Variants in KLF12 observed in about 807,000 individuals in gnomAD.
KLF12 encodes KLF transcription factor 12.
Under a neutral mutation model 37.8 loss-of-function variants are expected in KLF12, and 9 were observed. That is an observed-to-expected ratio of 0.24 (90% CI 0.14 to 0.42). The LOEUF (loss-of-function observed/expected upper bound fraction) is 0.42. Ranked by LOEUF, KLF12 falls within the 10% of genes least tolerant of loss-of-function variation. The pLI is 1.00. For missense variants in KLF12, 411 were observed against 516.0 expected (o/e 0.80, Z 1.97); for synonymous variants, 208 against 202.1 (o/e 1.03, Z -0.25).
intron 3 of KLF12, among the ~76,000 whole-genome samples, chr13:73,894,189 G>T (rs922380568): frequency 6.6e-6 from 1 of 152,154 alleles, no homozygotes; most frequent in Non-Finnish European, 1.5e-5. Context: ...AGAGGGGCAG[G>T]AAACAGATAA....
chr13:73,960,505 G>A, intron 2 of KLF12: 1 of 194,614 alleles, frequency 5.1e-6, no homozygotes, highest in South Asian at 7.1e-5. Flanking sequence ...CCAATGGTTG[G>A]GATAAAAAAA....
intron 2 of KLF12, among the ~76,000 whole-genome samples, chr13:73,983,450 A>T (rs1891740826): frequency 6.6e-6 from 1 of 152,172 alleles, no homozygotes; most frequent in African/African-American, 2.4e-5. Flanking sequence ...ATTCCTGCTT[A>T]TCGGGTGTTC....
the KLF12 span, among the ~76,000 whole-genome samples, chr13:74,223,901 C>T: frequency 2.6e-5 from 4 of 152,212 alleles, no homozygotes; most frequent in South Asian, 2.1e-4. Context: ...CTTTAACTTT[C>T]CTATATTTTG....
the KLF12 span, among the ~76,000 whole-genome samples, chr13:74,176,700 A>C: frequency 6.6e-6 from 1 of 151,724 alleles, no homozygotes; most frequent in Non-Finnish European, 1.5e-5. Flanking sequence ...GCCTCTTTGG[A>C]TTTTCATTTC....
At chr13:73,842,706 T>C (rs751500824) in intron 4 of KLF12, among the ~76,000 whole-genome samples, 3 of 152,224 alleles carry the variant, frequency 2.0e-5, no homozygotes, top group African/African-American at 2.4e-5. Flanking sequence ...TATTAGCATT[T>C]TGAAAATCCA....
chr13:73,782,968 A>G (rs1037710517), intron 5 of KLF12, among the ~76,000 whole-genome samples: 4 of 152,234 alleles, frequency 2.6e-5, no homozygotes, highest in Non-Finnish European at 5.9e-5. Context: ...GCAGTGTTAA[A>G]GAGCAGAGAC....
intron 1 of KLF12, among the ~76,000 whole-genome samples, chr13:74,106,933 C>T (rs1386200353): frequency 6.6e-6 from 1 of 152,058 alleles, no homozygotes; most frequent in Non-Finnish European, 1.5e-5. Context: ...TGCTGTCTTA[C>T]ATTTTTTGGG....
chr13:74,261,090 T>C, the KLF12 span, among the ~76,000 whole-genome samples: 1 of 152,072 alleles, frequency 6.6e-6, no homozygotes, highest in Non-Finnish European at 1.5e-5. Flanking sequence ...AAAGAACTTA[T>C]CCGTGTAACC....
the KLF12 span, among the ~76,000 whole-genome samples, chr13:74,203,976 G>A: frequency 6.6e-6 from 1 of 152,246 alleles, no homozygotes; most frequent in South Asian, 2.1e-4. Flanking sequence ...ATACTACACA[G>A]ACATCTGTGT....
At chr13:73,909,259 G>A (rs963559882) in intron 3 of KLF12, among the ~76,000 whole-genome samples, 2 of 152,148 alleles carry the variant, frequency 1.3e-5, no homozygotes, top group Non-Finnish European at 2.9e-5. Flanking sequence ...CAGTGGCCGA[G>A]CATAAAGCAC....
the KLF12 span, among the ~76,000 whole-genome samples, chr13:74,202,844 C>A: frequency 6.6e-6 from 1 of 152,108 alleles, no homozygotes; most frequent in Non-Finnish European, 1.5e-5. Context: ...TGAGTGGTAG[C>A]CCTTGTTCAA....
intron 2 of KLF12, among the ~76,000 whole-genome samples, chr13:73,965,227 C>T (rs1331549284): frequency 6.6e-6 from 1 of 152,126 alleles, no homozygotes; most frequent in Non-Finnish European, 1.5e-5. Flanking sequence ...GAACTTTATA[C>T]TTTAATAGGT....
At chr13:73,887,526 T>C (rs1887289262) in intron 3 of KLF12, among the ~76,000 whole-genome samples, 1 of 152,148 alleles carries the variant, frequency 6.6e-6, no homozygotes, top group Admixed American at 6.5e-5. Flanking sequence ...CCTTCCACCA[T>C]TACTGTAAGG....
chr13:74,054,875 T>C (rs1873152183), intron 1 of KLF12, among the ~76,000 whole-genome samples: 1 of 152,202 alleles, frequency 6.6e-6, no homozygotes, highest in African/African-American at 2.4e-5. Flanking sequence ...TATACACTAA[T>C]TTGAAATTAG....
chr13:74,068,836 C>A (rs1283272785), intron 1 of KLF12, among the ~76,000 whole-genome samples: 1 of 152,140 alleles, frequency 6.6e-6, no homozygotes, highest in Non-Finnish European at 1.5e-5. Flanking sequence ...GGATTACAGG[C>A]ATGAGCCACT....
At chr13:74,130,300 A>C (rs1390766462) in intron 1 of KLF12, among the ~76,000 whole-genome samples, 10 of 152,262 alleles carry the variant, frequency 6.6e-5, no homozygotes, top group Non-Finnish European at 1.5e-5. Flanking sequence ...AGCCATTTCC[A>C]GTCTATGATC....
At chr13:74,191,054 C>T in the KLF12 span, among the ~76,000 whole-genome samples, 1 of 152,184 alleles carries the variant, frequency 6.6e-6, no homozygotes, top group Admixed American at 6.5e-5. Context: ...AAGCCAGAAG[C>T]TAGGAGTATC....
intron 1 of KLF12, among the ~76,000 whole-genome samples, chr13:74,066,567 C>T (rs1037441665): frequency 2.6e-5 from 4 of 152,058 alleles, no homozygotes; most frequent in South Asian, 2.1e-4. Context: ...GGTGGGAGAA[C>T]GACTTGGGCC....
At position 74,115,026 on chromosome 13, in the gene KLF12, T is replaced by C. The variant is rs556366708; in HGVS notation, c.-32+18713A>G. Among the ~76,000 whole-genome samples the C allele has an allele frequency of 5.3e-5, 8 of 152,288 alleles. No homozygotes were observed. The East Asian group carries it at 1.5e-3, about 29-fold the overall frequency. On this transcript the variant is annotated intron_variant, in intron 1 of 7. Transcript: ENST00000377669. ...TCTAAGGTAGAAACCATTCCCACTCTTTCCCAGTCTGTGGGAAAATTGCCT... is the reference window on the plus strand; with the variant it reads ...TCTAAGGTAGAAACCATTCCCACTCCTTCCCAGTCTGTGGGAAAATTGCCT...
Sources: gnomAD v4.1 joint callset for allele counts (sites outside exome capture counted in the v4.1 genomes callset) on GRCh38, gnomAD v4.1.1 for gene constraint, MANE v1.5 for transcripts, NCBI Gene and HGNC (gene_info 2026-07-23, HGNC 2026-07-21) for gene names.